The following KLHL1 variants were observed in gnomAD, a reference collection of about 807,000 sequenced individuals.
KLHL1 encodes the protein kelch-like protein 1.
A neutral mutation model predicts 77.7 loss-of-function variants in KLHL1; 47 were observed. That is an observed-to-expected ratio of 0.60 (90% CI 0.48 to 0.77). The LOEUF (loss-of-function observed/expected upper bound fraction) is 0.77, where lower values mean the gene tolerates loss of function less well. KLHL1 is among the 30% of genes least tolerant of loss of function. KLHL1 has a pLI of 0.00. For synonymous variants in KLHL1, 360 were observed against 325.2 expected (o/e 1.11, Z -1.15); for missense variants, 925 against 910.8 (o/e 1.02, Z -0.20).
intron 5 of KLHL1, among the ~76,000 whole-genome samples, chr13:69,862,529 A>G (rs1880213057): frequency 6.6e-6 from 1 of 152,144 alleles, no homozygotes; most frequent in Non-Finnish European, 1.5e-5. Flanking sequence ...ATCACAACTC[A>G]TTAAAGTAAG....
At chr13:69,793,660 T>A (rs185608971) in intron 7 of KLHL1, among the ~76,000 whole-genome samples, 1 of 152,244 alleles carries the variant, frequency 6.6e-6, no homozygotes, top group Admixed American at 6.5e-5. Context: ...AACCTCTGCA[T>A]ACCACACATA....
At chr13:70,083,966 AC>A (rs752691576) in intron 1 of KLHL1, among the ~76,000 whole-genome samples, 1 of 152,064 alleles carries the variant, frequency 6.6e-6, no homozygotes, top group Non-Finnish European at 1.5e-5. Context: ...AATTTAAAAA[AC>A]CCTTTTATAT....
At chr13:69,799,774 C>A (rs967898456) in intron 6 of KLHL1, among the ~76,000 whole-genome samples, 1 of 152,124 alleles carries the variant, frequency 6.6e-6, no homozygotes, top group Non-Finnish European at 1.5e-5. Context: ...CCTTTTCTAT[C>A]TTCTAGAACA....
At chr13:69,784,760 A>G (rs1876421339) in intron 7 of KLHL1, among the ~76,000 whole-genome samples, 1 of 151,872 alleles carries the variant, frequency 6.6e-6, no homozygotes, top group Non-Finnish European at 1.5e-5. Flanking sequence ...CCCACTGTCA[A>G]TATTAGACAG....
intron 8 of KLHL1, among the ~76,000 whole-genome samples, chr13:69,727,582 G>A (rs1873357940): frequency 6.6e-6 from 1 of 152,080 alleles, no homozygotes; most frequent in South Asian, 2.1e-4. Context: ...GAAAGAAAGT[G>A]AAGTCTAAGC....
intron 1 of KLHL1, among the ~76,000 whole-genome samples, chr13:69,992,668 T>C (rs1188728733): frequency 2.0e-5 from 3 of 152,002 alleles, no homozygotes; most frequent in Non-Finnish European, 2.9e-5. Flanking sequence ...TTTCCTTATT[T>C]TACTTCATTA....
chr13:69,854,498 T>G (rs546338685), intron 5 of KLHL1, among the ~76,000 whole-genome samples: 2 of 151,968 alleles, frequency 1.3e-5, no homozygotes, highest in African/African-American at 4.8e-5. Context: ...TTGGTTACCA[T>G]GAAGTTTGGA....
intron 7 of KLHL1, among the ~76,000 whole-genome samples, chr13:69,758,851 T>C (rs1270816783): frequency 6.6e-6 from 1 of 152,190 alleles, no homozygotes; most frequent in Non-Finnish European, 1.5e-5. Flanking sequence ...TGTTTCCGTA[T>C]TTTTATTTAC....
At chr13:69,768,607 A>G (rs1875421445) in intron 7 of KLHL1, among the ~76,000 whole-genome samples, 1 of 152,180 alleles carries the variant, frequency 6.6e-6, no homozygotes, top group African/African-American at 2.4e-5. Context: ...CTATGAAAAA[A>G]TTATACTGAT....
intron 5 of KLHL1, among the ~76,000 whole-genome samples, chr13:69,872,782 G>T (rs1049844623): frequency 6.6e-6 from 1 of 152,106 alleles, no homozygotes; most frequent in African/African-American, 2.4e-5. Flanking sequence ...GAGGGGCAAG[G>T]CTCTTTTTAA....
chr13:69,920,879 G>A (rs1295417345), intron 4 of KLHL1, among the ~76,000 whole-genome samples: 1 of 152,074 alleles, frequency 6.6e-6, no homozygotes, highest in Non-Finnish European at 1.5e-5. Context: ...GATTGCACAT[G>A]AAATAAACAG....
Position 70,107,662 on chromosome 13 carries a change from T to C in KLHL1, c.38A>G (p.His13Arg), listed in dbSNP as rs750856218. 12 of 1,538,974 alleles carry C rather than the reference T, an allele frequency of 7.8e-6. No individual in the cohort carries two copies. Among genetic ancestry groups the C allele is most frequent in the Non-Finnish European group, 9.6e-6 (11 of 1,147,858 alleles). The change falls in exon 1 of 11, where the codon CAC becomes CGC. Residue 13 changes from histidine (H) to arginine (R), a missense_variant. His to Arg is a conservative substitution (Grantham distance 29). Transcript: ENST00000377844. ...GSGRKDFDVK[H>R]ILRLRWKLFS... The stretch of plus-strand genomic sequence containing the variant: ...GAGTTTCCAGCGGAGTCGCAGAATG[T>C]GCTTCACATCGAAGTCTTTTCGCCC...
intron 1 of KLHL1, among the ~76,000 whole-genome samples, chr13:69,979,326 C>T (rs1884641094): frequency 6.6e-6 from 1 of 152,032 alleles, no homozygotes; most frequent in Non-Finnish European, 1.5e-5. Context: ...TTGATTTTCT[C>T]TCACACATTT....
At chr13:69,789,411 G>A (rs1355461850) in intron 7 of KLHL1, among the ~76,000 whole-genome samples, 1 of 151,796 alleles carries the variant, frequency 6.6e-6, no homozygotes, top group Non-Finnish European at 1.5e-5. Flanking sequence ...GAAAAAATAT[G>A]ACTATTGAGT....
At chr13:69,800,048 T>A (rs1877306797) in intron 6 of KLHL1, among the ~76,000 whole-genome samples, 1 of 152,110 alleles carries the variant, frequency 6.6e-6, no homozygotes, top group Non-Finnish European at 1.5e-5. Flanking sequence ...CCGACCCCTG[T>A]CCATGGAAAA....
At chr13:69,797,928 A>G (rs1877197197) in intron 6 of KLHL1, among the ~76,000 whole-genome samples, 1 of 152,154 alleles carries the variant, frequency 6.6e-6, no homozygotes, top group Non-Finnish European at 1.5e-5. Context: ...AATATAGCTT[A>G]TATTTCTTAA....
intron 4 of KLHL1, among the ~76,000 whole-genome samples, chr13:69,928,639 G>A (rs1301623891): frequency 6.6e-6 from 1 of 151,872 alleles, no homozygotes. Context: ...AATGAGTCTT[G>A]AGTATATTAT....
intron 4 of KLHL1, among the ~76,000 whole-genome samples, chr13:69,924,394 C>T (rs903954345): frequency 1.3e-5 from 2 of 152,196 alleles, no homozygotes; most frequent in South Asian, 2.1e-4. Context: ...GCCCATAAAA[C>T]CCCCCAGACT....
At chr13:69,959,469 T>C (rs557792629) in intron 3 of KLHL1, among the ~76,000 whole-genome samples, 13 of 151,956 alleles carry the variant, frequency 8.6e-5, no homozygotes, top group African/African-American at 2.9e-4. Flanking sequence ...TTGACCAAGA[T>C]GGTCTTAAAA....
Sources: gnomAD v4.1 joint callset for allele counts (sites outside exome capture counted in the v4.1 genomes callset) on GRCh38, gnomAD v4.1.1 for gene constraint, MANE v1.5 for transcripts, NCBI Gene and HGNC (gene_info 2026-07-23, HGNC 2026-07-21) for gene names.